Variants in GRIN2A observed in about 807,000 individuals in gnomAD.
GRIN2A encodes the protein glutamate receptor ionotropic, NMDA 2A.
GRIN2A carries 22 observed loss-of-function variants against 113.4 expected under a neutral mutation model. The ratio of observed to expected loss-of-function variants is 0.19; its 90% confidence interval spans 0.14 to 0.28. The LOEUF is 0.28. Among genes scored for constraint, GRIN2A ranks in the 10% least tolerant of loss-of-function variants. The pLI, the probability that GRIN2A is intolerant of heterozygous loss-of-function variation, is 1.00. For synonymous variants in GRIN2A, 827 were observed against 738.4 expected, an observed-to-expected ratio of 1.12 and a Z score of -1.94; for missense variants, 1,502 against 1,887.0, an observed-to-expected ratio of 0.80 and a Z score of 3.78.
intron 2 of GRIN2A, among the ~76,000 whole-genome samples, chr16:10,003,181 TC>T: frequency 6.6e-6 from 1 of 152,160 alleles, no homozygotes; most frequent in African/African-American, 2.4e-5. Context: ...GAGTCCCTGA[TC>T]CTTCATCTAT....
chr16:10,038,703 C>T (rs1229732899), intron 2 of GRIN2A, among the ~76,000 whole-genome samples: 1 of 151,730 alleles, frequency 6.6e-6, no homozygotes, highest in Non-Finnish European at 1.5e-5. Context: ...AAAAAATTAC[C>T]CGGGCATGGC....
intron 2 of GRIN2A, among the ~76,000 whole-genome samples, chr16:10,094,629 T>A (rs1304460602): frequency 6.6e-6 from 1 of 152,050 alleles, no homozygotes; most frequent in Non-Finnish European, 1.5e-5. Context: ...TTTGTATTTT[T>A]AGTAGAGACA....
At position 9,760,077 on chromosome 16, in the gene GRIN2A, GCT is replaced by G. The variant is rs1900512876; in HGVS notation, c.*3070_*3071del. ...TAACAAAATATCATTATGGATGCCAGCTCTGACTTAAGCCAGCTGAAACTCAG... is the reference window on the plus strand; with the variant it reads ...TAACAAAATATCATTATGGATGCCAGCTGACTTAAGCCAGCTGAAACTCAG... On this transcript the variant is annotated 3_prime_UTR_variant, in exon 13 of 13. Transcript: ENST00000330684. The G allele has an allele frequency of 4.4e-6, 1 of 227,718 alleles. No individual in the cohort carries two copies. The highest frequency in any genetic ancestry group is 5.7e-5 in the Admixed American group (1 of 17,578). 14.1% of individuals were successfully genotyped at this position (227,718 alleles called of 1,614,324 possible).
At chr16:9,999,086 C>G (rs2046278040) in intron 2 of GRIN2A, among the ~76,000 whole-genome samples, 1 of 152,152 alleles carries the variant, frequency 6.6e-6, no homozygotes, top group African/African-American at 2.4e-5. Context: ...GTATTTTCCT[C>G]CAAACAGCAC....
intron 2 of GRIN2A, among the ~76,000 whole-genome samples, chr16:10,021,175 C>T (rs571139679): frequency 6.6e-6 from 1 of 152,150 alleles, no homozygotes; most frequent in African/African-American, 2.4e-5. Context: ...ACAGCTGGGT[C>T]CCCTAAGCAG....
chr16:10,048,641 A>AT (rs1240122086), intron 2 of GRIN2A, among the ~76,000 whole-genome samples: 1 of 152,172 alleles, frequency 6.6e-6, no homozygotes, highest in African/African-American at 2.4e-5. Flanking sequence ...GTCTCCAAAC[A>AT]CTAACATAGC....
chr16:9,840,561 G>T, intron 7 of GRIN2A, 86 bp downstream of exon 7: 3 of 1,235,436 alleles, frequency 2.4e-6, no homozygotes, highest in South Asian at 2.4e-5. Context: ...AGCTAAACAA[G>T]TTCCTTTCTG....
intron 4 of GRIN2A, among the ~76,000 whole-genome samples, chr16:9,854,140 C>T (rs1243579962): frequency 6.6e-6 from 1 of 151,872 alleles, no homozygotes; most frequent in East Asian, 1.9e-4. Flanking sequence ...AAACATACAG[C>T]CTGTATTTTT....
At chr16:9,985,629 T>C (rs1043208132) in intron 2 of GRIN2A, among the ~76,000 whole-genome samples, 1 of 142,374 alleles carries the variant, frequency 7.0e-6, no homozygotes, top group African/African-American at 2.6e-5. Flanking sequence ...TTGTGAGAGC[T>C]AAAAAAAAAA....
Position 10,180,243 on chromosome 16 carries a change from G to A in GRIN2A, c.169C>T (p.Pro57Ser). 6.2e-7 allele frequency: 1 copy of A among 1,614,008 alleles called. No individual in the cohort carries two copies. Residue 57 changes from proline to serine, a missense_variant, in exon 2 of 13, where the codon CCC becomes TCC. Pro to Ser is a moderately conservative substitution (Grantham distance 74). Coordinates refer to ENST00000330684, the MANE Select transcript of GRIN2A (RefSeq NM_001134407.3). This position sits in a 1 kb window ranked among gnomAD's most constrained non-coding sequence, Gnocchi z 7.0. The stretch of plus-strand genomic sequence containing the variant: ...AGGGGCAGCCCCGCCGCCTGCTCGG[G>A]GCCCCACAGTGTTCGAAGTTCGCGC... ...TERELRTLWGPEQAAGLPLDV... is the reference protein window; with the variant it reads ...TERELRTLWGSEQAAGLPLDV...
intron 2 of GRIN2A, among the ~76,000 whole-genome samples, chr16:10,026,614 G>A (rs984823133): frequency 1.4e-5 from 2 of 139,852 alleles, no homozygotes; most frequent in African/African-American, 5.9e-5. Context: ...ACATGGATCT[G>A]CTCCATTCAC....
chr16:9,818,967 C>T (rs542750639), intron 10 of GRIN2A, among the ~76,000 whole-genome samples: 10 of 151,918 alleles, frequency 6.6e-5, no homozygotes, highest in Non-Finnish European at 1.3e-4. Flanking sequence ...CCTAAATGTC[C>T]AACAATAGAG....
Position 10,180,443 on chromosome 16 carries a change from A to C in GRIN2A, c.-18-14T>G. Reference sequence around the variant, plus strand: ...CACTGACGGTCCCTGCAAGGTGAAGAGTGAGAGGCAGGGCCGCGGTGAGCA... The same window carrying C: ...CACTGACGGTCCCTGCAAGGTGAAGCGTGAGAGGCAGGGCCGCGGTGAGCA... On this transcript the variant is annotated splice_polypyrimidine_tract_variant and intron_variant, in intron 1 of 12. Transcript: ENST00000330684. The surrounding 1 kb of genome is among the most constrained non-coding windows in gnomAD (Gnocchi z 7.0). The C allele has an allele frequency of 6.3e-7, 1 of 1,596,050 alleles. No individual in the cohort carries two copies. Among genetic ancestry groups the C allele is most frequent in the Non-Finnish European group, 8.5e-7 (1 of 1,176,754 alleles).
At chr16:9,899,053 G>C (rs1453819088) in intron 3 of GRIN2A, among the ~76,000 whole-genome samples, 1 of 151,786 alleles carries the variant, frequency 6.6e-6, no homozygotes, top group Non-Finnish European at 1.5e-5. Flanking sequence ...TCTTTGCCCT[G>C]GTGCTCAATT....
chr16:10,080,418 T>A (rs1286031773), intron 2 of GRIN2A, among the ~76,000 whole-genome samples: 1 of 152,226 alleles, frequency 6.6e-6, no homozygotes, highest in Admixed American at 6.5e-5. Context: ...TATTAGCCAC[T>A]GTCTCTGCAA....
At chr16:9,823,001 C>T (rs2042316921) in intron 9 of GRIN2A, among the ~76,000 whole-genome samples, 1 of 152,200 alleles carries the variant, frequency 6.6e-6, no homozygotes, top group South Asian at 2.1e-4. Flanking sequence ...TAGTGCCTAA[C>T]ATTCCCCAGG....
intron 2 of GRIN2A, among the ~76,000 whole-genome samples, chr16:10,172,382 C>T (rs1242290583): frequency 6.6e-6 from 1 of 152,238 alleles, no homozygotes; most frequent in African/African-American, 2.4e-5. Context: ...CAGCAGTGAA[C>T]ATGGCATCCA....
At chr16:10,005,950 A>C (rs532125301) in intron 2 of GRIN2A, among the ~76,000 whole-genome samples, 1 of 152,350 alleles carries the variant, frequency 6.6e-6, no homozygotes, top group South Asian at 2.1e-4. Context: ...TGAAACCATA[A>C]GTTCTTAAGG....
chr16:10,134,799 G>A (rs1264381968), intron 2 of GRIN2A, among the ~76,000 whole-genome samples: 1 of 152,118 alleles, frequency 6.6e-6, no homozygotes, highest in Non-Finnish European at 1.5e-5. Flanking sequence ...GTTCTTCACA[G>A]TTCTTTCCTA....
Sources: allele counts gnomAD v4.1 joint callset (sites outside exome capture counted in the v4.1 genomes callset), GRCh38; gene constraint gnomAD v4.1.1; non-coding constraint Gnocchi (gnomAD v3.1); transcripts MANE v1.5; gene names NCBI Gene and HGNC (gene_info 2026-07-23, HGNC 2026-07-21).